ARHGEF10: variants seen among roughly 807,000 people sequenced by gnomAD.
ARHGEF10 encodes Rho guanine nucleotide exchange factor (GEF) 10.
In ARHGEF10, 140 loss-of-function variants were observed where a neutral mutation model predicts 147.4. That is an observed-to-expected ratio of 0.95 (90% CI 0.83 to 1.09). The LOEUF is 1.09. Among genes scored for constraint, ARHGEF10 ranks in the 50% least tolerant of loss-of-function variants. The probability of loss-of-function intolerance (pLI) is 0.00; values close to 1 mark genes in which losing one functional copy is unlikely to be tolerated. For synonymous variants in ARHGEF10, 902 were observed against 695.8 expected (o/e 1.30, Z -4.67); for missense variants, 2,222 against 1,752.7 (o/e 1.27, Z -4.78).
intron 7 of ARHGEF10, chr8:1,876,065 C>G (rs1336864440): frequency 6.0e-6 from 1 of 167,180 alleles, no homozygotes; most frequent in Non-Finnish European, 1.3e-5. Context: ...ATTTAAAAAT[C>G]CGTGTGTATT....
intron 4 of ARHGEF10, among the ~76,000 whole-genome samples, chr8:1,862,506 T>C (rs1806215150): frequency 6.6e-6 from 1 of 152,256 alleles, no homozygotes; most frequent in Non-Finnish European, 1.5e-5. Flanking sequence ...CCAGCGTGTC[T>C]GCCTCCTTCT....
chr8:1,878,266 T>A (rs1201496460), intron 8 of ARHGEF10, among the ~76,000 whole-genome samples: 1 of 152,108 alleles, frequency 6.6e-6, no homozygotes, highest in Admixed American at 6.6e-5. Flanking sequence ...CTCGGCTCAC[T>A]GCAACCTCCA....
intron 7 of ARHGEF10, among the ~76,000 whole-genome samples, chr8:1,873,581 C>T (rs1417679229): frequency 7.9e-6 from 1 of 125,862 alleles, no homozygotes; most frequent in Admixed American, 7.9e-5. Flanking sequence ...GGGTAGTGCA[C>T]CCGCATTTCC....
chr8:1,832,625 G>GGC (rs1161439417), intron 1 of ARHGEF10, among the ~76,000 whole-genome samples: 13 of 104,574 alleles, frequency 1.2e-4, no homozygotes, highest in African/African-American at 4.8e-4. Context: ...CAGAGGCAGA[G>GGC]AGAGACAGAG....
At chr8:1,945,857 C>G (rs1236991479) in intron 27 of ARHGEF10, 2 of 595,856 alleles carry the variant, frequency 3.4e-6, no homozygotes, top group Admixed American at 3.2e-5. Flanking sequence ...CTTCCCGGTG[C>G]AGGGCACAGG....
chr8:1,843,427 G>A lies in ARHGEF10; in HGVS notation c.28G>A (p.Ala10Thr), dbSNP rs763893217. Reference sequence around the variant, plus strand: ...GGACCAGCGAGAGCCCCTGCCTCCCGCTCCTGCAGGTAACAGCACTCAGTA... The same window carrying A: ...GGACCAGCGAGAGCCCCTGCCTCCCACTCCTGCAGGTAACAGCACTCAGTA... Reference protein sequence around the residue: MDQREPLPPAPAENEMKYDT... With the variant: MDQREPLPPTPAENEMKYDT... The change falls in exon 2 of 29, where the codon GCT becomes ACT. Residue 10 changes from alanine to threonine, a missense_variant. Transcript: ENST00000349830. 9 of 1,612,680 alleles carry A rather than the reference G, an allele frequency of 5.6e-6. No individual in the cohort carries two copies. The highest frequency in any genetic ancestry group is 2.2e-5 in the East Asian group (1 of 44,878).
At chr8:1,898,361 A>T (rs1810180652) in intron 14 of ARHGEF10, 72 bp from the exon 15 acceptor site, 1 of 1,326,036 alleles carries the variant, frequency 7.5e-7, no homozygotes, top group African/African-American at 1.5e-5. Context: ...TGTGGTGGGG[A>T]GGAGGCGGCC....
chr8:1,926,989 G>A (rs899191063), intron 23 of ARHGEF10: 2 of 220,850 alleles, frequency 9.1e-6, no homozygotes, highest in Non-Finnish European at 1.8e-5. Context: ...TGCAGCCTCA[G>A]ACTCGCCCTC....
At chr8:1,905,252 AC>A (rs939560465) in intron 16 of ARHGEF10, among the ~76,000 whole-genome samples, 8 of 140,212 alleles carry the variant, frequency 5.7e-5, no homozygotes, top group African/African-American at 2.3e-4. Context: ...AATATGGCCT[AC>A]CTTTAAGAAG....
chr8:1,892,811 C>A (rs568584359), intron 11 of ARHGEF10, among the ~76,000 whole-genome samples: 58 of 152,228 alleles, frequency 3.8e-4, no homozygotes, highest in Middle Eastern at 3.4e-3. Flanking sequence ...CTCTGTTTTC[C>A]ATGAATTGGC....
In ARHGEF10 at chr8:1,888,550, G is replaced by A. The variant is rs1336337796; in HGVS notation, c.1182+2843G>A. ...GGTCTGTGAGGAGACGCTGAGTGGG[G>A]TGAGGTATGGGGAGACACTGAGTGG... On this transcript the variant is annotated intron_variant, in intron 11 of 28. Transcript: ENST00000349830. Among the ~76,000 whole-genome samples, 11 of 142,902 alleles carry A rather than the reference G, an allele frequency of 7.7e-5. 1 individual carries two copies. In the East Asian group the frequency reaches 2.4e-3, roughly 31 times the overall value. The allele number at this position is 142,902 out of a possible 152,430, so 93.7% of individuals were successfully genotyped here.
intron 10 of ARHGEF10, among the ~76,000 whole-genome samples, chr8:1,883,880 C>A (rs1006094528): frequency 1.3e-5 from 2 of 152,156 alleles, no homozygotes; most frequent in Non-Finnish European, 2.9e-5. Context: ...AGCAGCAACC[C>A]CCCAACTGGA....
chr8:1,891,772 G>A (rs1809546614), intron 11 of ARHGEF10, among the ~76,000 whole-genome samples: 1 of 152,044 alleles, frequency 6.6e-6, no homozygotes, highest in African/African-American at 2.4e-5. Flanking sequence ...ACCCCTTAGT[G>A]GGCATATAAT....
At position 1,843,497 on chromosome 8, in the gene ARHGEF10, G is replaced by A. The variant is rs11136433; in HGVS notation, c.37+61G>A. The A allele has an allele frequency of 0.48, 621,192 of 1,306,010 alleles. 151,367 individuals carry two copies. The highest frequency in any genetic ancestry group is 0.51 in the Non-Finnish European group (461,054 of 910,420). The allele number at this position is 1,306,010 out of a possible 1,614,324, so 80.9% of individuals were successfully genotyped here. On this transcript the variant is annotated intron_variant, in intron 2 of 28. Coordinates refer to ENST00000349830, the MANE Select transcript of ARHGEF10 (RefSeq NM_014629.4). ...TTGTGCTGCTGCTCTCATCAAGGAC[G>A]GGGTACTTCTGGAACCACTGAATTG... is the stretch of plus-strand genomic sequence containing the variant.
chr8:1,862,730 A>T (rs1450851911), intron 4 of ARHGEF10, among the ~76,000 whole-genome samples: 4 of 151,360 alleles, frequency 2.6e-5, no homozygotes, highest in East Asian at 3.9e-4. Context: ...ACACAAGTAA[A>T]AGCTTTGTGG....
At position 1,948,642 on chromosome 8, in the gene ARHGEF10, A is replaced by G. The variant is rs1207270952; in HGVS notation, c.3397+2987A>G. Reference sequence around the variant, plus strand: ...GATCCTCAGTGCGGCATAGACTGAAATGGTTCTGATTTTCATTGCATTTTG... The same window carrying G: ...GATCCTCAGTGCGGCATAGACTGAAGTGGTTCTGATTTTCATTGCATTTTG... On this transcript the variant is annotated intron_variant, in intron 27 of 28. Transcript: ENST00000349830. The surrounding 1 kb of genome is among the most constrained non-coding windows in gnomAD (Gnocchi z 4.9). Among the ~76,000 whole-genome samples the G allele has an allele frequency of 6.6e-6, 1 of 152,138 alleles. No homozygotes were observed. The highest frequency in any genetic ancestry group is 1.5e-5 in the Non-Finnish European group (1 of 68,024).
rs565698044 is a variant in ARHGEF10 at position 1,955,994 on chromosome 8, C to T, written c.3521-755C>T. Among the ~76,000 whole-genome samples, 6 of 152,312 alleles carry T rather than the reference C, an allele frequency of 3.9e-5. No homozygotes were observed. The South Asian group carries it at 1.0e-3, about 26-fold the overall frequency. On this transcript the variant is annotated intron_variant, in intron 28 of 28. Coordinates refer to ENST00000349830, the MANE Select transcript of ARHGEF10 (RefSeq NM_014629.4). ...GTGGAAGATTCAGTGATGTCATTTG[C>T]CTTGGCCAGAGTAGGATGATGGTGA... is the stretch of plus-strand genomic sequence containing the variant.
Position 1,933,890 on chromosome 8 carries a change from C to A in ARHGEF10, c.3170C>A (p.Ala1057Glu). ...CTCATGATGGAAGACACGTTGTGGGCGGCTTCCGGAGGTCAAGTCTTCATC... is the reference window on the plus strand; with the variant it reads ...CTCATGATGGAAGACACGTTGTGGGAGGCTTCCGGAGGTCAAGTCTTCATC... ...SLLMMEDTLW[A>E]ASGGQVFIIS... is the part of the protein sequence containing the mutation. The change falls in exon 26 of 29, where the codon GCG (alanine) becomes GAG (glutamate). Residue 1057 changes from alanine (A) to glutamate (E), a missense_variant. By Grantham distance (107) the Ala-to-Glu change is moderately radical. Coordinates refer to ENST00000349830, the MANE Select transcript of ARHGEF10 (RefSeq NM_014629.4). The A allele has an allele frequency of 1.2e-6, 2 of 1,614,134 alleles. No individual in the cohort carries two copies. Among genetic ancestry groups the A allele is most frequent in the Non-Finnish European group, 1.7e-6 (2 of 1,180,028 alleles).
intron 2 of ARHGEF10, among the ~76,000 whole-genome samples, chr8:1,845,060 G>C (rs1249977958): frequency 6.6e-6 from 1 of 152,194 alleles, no homozygotes; most frequent in Non-Finnish European, 1.5e-5. Context: ...GTTCACTTGA[G>C]CACGGGAAGT....
Sources: allele counts gnomAD v4.1 joint callset (sites outside exome capture counted in the v4.1 genomes callset), GRCh38; gene constraint gnomAD v4.1.1; non-coding constraint Gnocchi (gnomAD v3.1); transcripts MANE v1.5; gene names NCBI Gene and HGNC (gene_info 2026-07-23, HGNC 2026-07-21).